HMCN1: variants seen among roughly 807,000 people sequenced by gnomAD.
HMCN1 encodes the protein hemicentin-1.
In HMCN1, 321 loss-of-function variants were observed where a neutral mutation model predicts 625.9. That is an observed-to-expected ratio of 0.51 (90% CI 0.47 to 0.56). The LOEUF (loss-of-function observed/expected upper bound fraction) is 0.56. Among genes scored for constraint, HMCN1 ranks in the 20% least tolerant of loss-of-function variants. HMCN1 has a pLI of 0.00. For synonymous variants in HMCN1, 2,425 were observed against 2,417.6 expected, an observed-to-expected ratio of 1.00 and a Z score of -0.09; for missense variants, 6,588 against 6,887.3, an observed-to-expected ratio of 0.96 and a Z score of 1.54.
At position 185,892,108 on chromosome 1, in the gene HMCN1, C is replaced by A. The variant is rs1011506135; in HGVS notation, c.622-17229C>A. ...TTTCTTCCAGTTGATTGCATCGGGT[C>A]CTGAGGCTTCTGCATTCTTCACGTA... On this transcript the variant is annotated intron_variant, in intron 4 of 106. Coordinates refer to ENST00000271588, the MANE Select transcript of HMCN1 (RefSeq NM_031935.3). Among the ~76,000 whole-genome samples, 3 of 149,486 alleles carry A rather than the reference C, an allele frequency of 2.0e-5. No homozygotes were observed. In the East Asian group the frequency reaches 5.8e-4, roughly 29 times the overall value.
At chr1:186,008,632 A>C (rs1333149712) in intron 30 of HMCN1, among the ~76,000 whole-genome samples, 1 of 152,090 alleles carries the variant, frequency 6.6e-6, no homozygotes, top group African/African-American at 2.4e-5. Context: ...ACTGTGGATA[A>C]ATTTCCTAAA....
chr1:185,993,420 G>A, intron 23 of HMCN1, 111 bp downstream of exon 23: 1 of 1,227,726 alleles, frequency 8.1e-7, no homozygotes, highest in Admixed American at 2.1e-5. Context: ...AGTGATTAAA[G>A]AAAAAAATTC....
chr1:185,971,428 A>T (rs1650821946), intron 15 of HMCN1, among the ~76,000 whole-genome samples: 1 of 152,324 alleles, frequency 6.6e-6, no homozygotes, highest in Non-Finnish European at 1.5e-5. Flanking sequence ...CATTGTAGTC[A>T]AACATAAAAC....
intron 4 of HMCN1, among the ~76,000 whole-genome samples, chr1:185,885,628 G>A (rs537822548): frequency 1.1e-4 from 17 of 151,842 alleles, no homozygotes; most frequent in Admixed American, 2.6e-4. Context: ...TTAAGGTATA[G>A]GCTTACTGCT....
intron 1 of HMCN1, among the ~76,000 whole-genome samples, chr1:185,737,672 AG>A (rs1416405971): frequency 6.6e-6 from 1 of 152,226 alleles, no homozygotes; most frequent in African/African-American, 2.4e-5. Context: ...CAACATGGAA[AG>A]AAATAATGTA....
chr1:185,940,122 G>A (rs1446402262), intron 11 of HMCN1, among the ~76,000 whole-genome samples: 1 of 152,160 alleles, frequency 6.6e-6, no homozygotes, highest in African/African-American at 2.4e-5. Context: ...TTTCAGTAGA[G>A]TGGTAAAAGT....
In HMCN1 at chr1:186,136,923, C is replaced by T; in HGVS notation, c.13568C>T (p.Pro4523Leu). Residue 4523 changes from proline (P) to leucine (L), a missense_variant, in exon 87 of 107, where the codon CCA becomes CTA. Coordinates refer to ENST00000271588, the MANE Select transcript of HMCN1 (RefSeq NM_031935.3). ...NLMGSVLVRV[P>L]VIVQVHGGFS... The stretch of plus-strand genomic sequence containing the variant: ...ATGGGTTCTGTCCTTGTCAGAGTGC[C>T]AGTCATAGTCCAGGGTGAGTGTGAT... 6.2e-7 allele frequency: 1 copy of T among 1,613,688 alleles called. No individual in the cohort carries two copies. The highest frequency in any genetic ancestry group is 1.1e-5 in the South Asian group (1 of 91,076).
At chr1:185,843,745 A>G (rs902225265) in intron 1 of HMCN1, among the ~76,000 whole-genome samples, 8 of 152,220 alleles carry the variant, frequency 5.3e-5, no homozygotes, top group Non-Finnish European at 8.8e-5. Flanking sequence ...AGTATTTCTC[A>G]TAACTGATAA....
intron 1 of HMCN1, among the ~76,000 whole-genome samples, chr1:185,773,680 T>C (rs1440593328): frequency 6.6e-6 from 1 of 152,168 alleles, no homozygotes; most frequent in Non-Finnish European, 1.5e-5. Context: ...GAGTAGAGTT[T>C]TCCTATTACT....
chr1:186,163,977 T>TTATG (rs1651700452), intron 97 of HMCN1, among the ~76,000 whole-genome samples: 1 of 152,188 alleles, frequency 6.6e-6, no homozygotes. Flanking sequence ...TTTTCCACAA[T>TTATG]TATGTCCCCA....
rs184127189 is a variant in HMCN1, at chr1:185,761,256, G to A, written c.268+26209G>A. Among the ~76,000 whole-genome samples the A allele has an allele frequency of 1.5e-3, 227 of 152,230 alleles. 2 individuals are homozygous for A. The highest frequency in any genetic ancestry group is 5.3e-3 in the African/African-American group (221 of 41,550). On this transcript the variant is annotated intron_variant, in intron 1 of 106. Transcript: ENST00000271588. ...AGCAGTCAGACACTCAAGTTGGGGGGTGGTAGAGCTTTTTCGTTGTTGTCT... is the reference window on the plus strand; with the variant it reads ...AGCAGTCAGACACTCAAGTTGGGGGATGGTAGAGCTTTTTCGTTGTTGTCT...
chr1:185,998,775 G>A (rs191663978), intron 25 of HMCN1, among the ~76,000 whole-genome samples: 1 of 151,930 alleles, frequency 6.6e-6, no homozygotes, highest in Admixed American at 6.6e-5. Context: ...TCTTGCTCAT[G>A]GTTGTTCTAT....
chr1:186,187,923 C>A lies in HMCN1; in HGVS notation c.16455C>A (p.Pro5485=), dbSNP rs1282281744. ...TGGAGCAGAATGTGCACTGTGGACC[C>A]AATCGCATGTGCTTCAACATGAGAG... ...ECLEQNVHCG[P]NRMCFNMRGS... is the part of the protein sequence containing the mutation. Residue 5485 remains proline (P), a synonymous_variant, in exon 106 of 107, where the codon CCC becomes CCA. Transcript: ENST00000271588. The A allele has an allele frequency of 1.2e-6, 2 of 1,613,788 alleles. No individual in the cohort carries two copies. The highest frequency in any genetic ancestry group is 8.5e-7 in the Non-Finnish European group (1 of 1,179,762).
chr1:185,780,426 A>C (rs1656984457), intron 1 of HMCN1, among the ~76,000 whole-genome samples: 1 of 152,132 alleles, frequency 6.6e-6, no homozygotes, highest in African/African-American at 2.4e-5. Context: ...GTCTTGTGCC[A>C]GTTTTCAAAG....
In HMCN1 at chr1:185,884,369, A is replaced by G. The variant is rs116279076; in HGVS notation, c.621+18506A>G. Among the ~76,000 whole-genome samples the G allele has an allele frequency of 7.4e-4, 113 of 152,080 alleles. 1 individual carries two copies. The highest frequency in any genetic ancestry group is 4.1e-4 in the South Asian group (2 of 4,826). On this transcript the variant is annotated intron_variant, in intron 4 of 106. Transcript: ENST00000271588. ...GAATCAAAAAGCTCCTTATGCAGAT[A>G]TCTGGACGCTCTTGTCTTCATAGCT... is the stretch of plus-strand genomic sequence containing the variant.
chr1:185,951,184 G>A (rs1235673332), intron 11 of HMCN1, among the ~76,000 whole-genome samples: 2 of 151,398 alleles, frequency 1.3e-5, no homozygotes, highest in Non-Finnish European at 2.9e-5. Flanking sequence ...GGAGGCTTTG[G>A]ATTGGGAAGA....
chr1:185,781,000 C>T (rs1266646195), intron 1 of HMCN1, among the ~76,000 whole-genome samples: 1 of 152,078 alleles, frequency 6.6e-6, no homozygotes, highest in African/African-American at 2.4e-5. Context: ...GGTTGATAGG[C>T]TATTAATTAT....
intron 1 of HMCN1, among the ~76,000 whole-genome samples, chr1:185,800,955 T>C (rs528245742): frequency 1.3e-4 from 20 of 152,328 alleles, no homozygotes; most frequent in Middle Eastern, 3.4e-3. Context: ...GGGTCACTAC[T>C]CTACTCTGAT....
At chr1:186,092,175 A>G (rs1407335025) in intron 64 of HMCN1, among the ~76,000 whole-genome samples, 1 of 151,818 alleles carries the variant, frequency 6.6e-6, no homozygotes, top group Non-Finnish European at 1.5e-5. Context: ...TTATTCTTTT[A>G]TCTTTATTAT....
Sources: allele counts gnomAD v4.1 joint callset (sites outside exome capture counted in the v4.1 genomes callset), GRCh38; gene constraint gnomAD v4.1.1; transcripts MANE v1.5; gene names NCBI Gene and HGNC (gene_info 2026-07-23, HGNC 2026-07-21).